CDH12: variants seen among roughly 807,000 people sequenced by gnomAD.
The protein encoded by CDH12 is cadherin 12, also known as cadherin-12.
In CDH12, 41 loss-of-function variants were observed where a neutral mutation model predicts 74.1. The observed-to-expected ratio is 0.55, with a 90% confidence interval of 0.43 to 0.72. The LOEUF is 0.72. CDH12 is among the 30% of genes least tolerant of loss of function. The probability of loss-of-function intolerance (pLI) is 0.00; values close to 1 mark genes in which losing one functional copy is unlikely to be tolerated. For missense variants in CDH12, 945 were observed against 977.2 expected, an observed-to-expected ratio of 0.97 and a Z score of 0.44; for synonymous variants, 399 against 355.0, an observed-to-expected ratio of 1.12 and a Z score of -1.39.
chr5:21,877,811 T>C (rs1382846532), intron 6 of CDH12, among the ~76,000 whole-genome samples: 1 of 152,242 alleles, frequency 6.6e-6, no homozygotes, highest in Non-Finnish European at 1.5e-5. Context: ...CAGAAGAGTG[T>C]ACAATTCTAC....
At chr5:21,839,948 G>T (rs1749748488) in intron 8 of CDH12, among the ~76,000 whole-genome samples, 1 of 152,104 alleles carries the variant, frequency 6.6e-6, no homozygotes, top group African/African-American at 2.4e-5. Context: ...ACACAAGTGA[G>T]AACTCATTTT....
chr5:21,922,700 C>T (rs2150073242), intron 6 of CDH12, among the ~76,000 whole-genome samples: 1 of 152,154 alleles, frequency 6.6e-6, no homozygotes, highest in East Asian at 1.9e-4. Context: ...GAACAGTTAC[C>T]TGCAATTCAC....
At chr5:22,508,781 C>A (rs1238662402) in intron 1 of CDH12, among the ~76,000 whole-genome samples, 2 of 152,078 alleles carry the variant, frequency 1.3e-5, no homozygotes, top group Non-Finnish European at 2.9e-5. Flanking sequence ...AGTTGTGCCA[C>A]CTTTCTGGAG....
chr5:22,267,107 A>C (rs1252128886), intron 3 of CDH12, among the ~76,000 whole-genome samples: 1 of 152,132 alleles, frequency 6.6e-6, no homozygotes, highest in East Asian at 1.9e-4. Context: ...CACTTTCCCT[A>C]GTGTATTCAA....
chr5:22,420,856 C>G (rs934462402), intron 2 of CDH12, among the ~76,000 whole-genome samples: 2 of 152,072 alleles, frequency 1.3e-5, no homozygotes, highest in African/African-American at 4.8e-5. Context: ...TTTGTGTCCT[C>G]TCTGATTTCC....
chr5:22,694,572 A>T (rs1043320636), intron 1 of CDH12, among the ~76,000 whole-genome samples: 5 of 151,820 alleles, frequency 3.3e-5, no homozygotes, highest in Non-Finnish European at 7.4e-5. Flanking sequence ...TTTCTTATAA[A>T]TTTTTTTACA....
At chr5:22,154,613 T>C (rs115078607) in intron 4 of CDH12, among the ~76,000 whole-genome samples, 10,683 of 149,736 alleles carry the variant, frequency 0.071, 472 homozygotes, top group South Asian at 0.15. Flanking sequence ...ACACTATATA[T>C]GTACACATAT....
intron 5 of CDH12, among the ~76,000 whole-genome samples, chr5:22,032,815 T>TACACAC (rs757479604): frequency 2.7e-5 from 4 of 146,762 alleles, no homozygotes; most frequent in African/African-American, 9.9e-5. Context: ...TGTGTATATA[T>TACACAC]ACACACACAC....
intron 1 of CDH12, among the ~76,000 whole-genome samples, chr5:22,790,127 AT>A (rs1747833891): frequency 6.6e-6 from 1 of 152,274 alleles, no homozygotes; most frequent in South Asian, 2.1e-4. Flanking sequence ...TATATTACAA[AT>A]AATTCTAAAA....
chr5:22,805,474 A>T, intron 1 of CDH12, among the ~76,000 whole-genome samples: 1 of 152,116 alleles, frequency 6.6e-6, no homozygotes, highest in South Asian at 2.1e-4. Flanking sequence ...GAAATAGTAT[A>T]TAGAAAGTGT....
chr5:21,998,782 A>G (rs1447571176), intron 5 of CDH12, among the ~76,000 whole-genome samples: 2 of 152,112 alleles, frequency 1.3e-5, no homozygotes, highest in Non-Finnish European at 2.9e-5. Flanking sequence ...TCTCCTGAGA[A>G]GCTGTTCTAC....
intron 3 of CDH12, among the ~76,000 whole-genome samples, chr5:22,363,917 A>C (rs1740925263): frequency 6.6e-6 from 1 of 152,196 alleles, no homozygotes; most frequent in Non-Finnish European, 1.5e-5. Flanking sequence ...TTCTGCCAAC[A>C]ATCACATTGG....
intron 2 of CDH12, among the ~76,000 whole-genome samples, chr5:22,448,219 C>T (rs938505687): frequency 1.1e-4 from 16 of 150,644 alleles, no homozygotes; most frequent in African/African-American, 3.7e-4. Flanking sequence ...TTAAGCATTA[C>T]AAAAGTTTAA....
chr5:22,068,901 C>T (rs376477838), intron 5 of CDH12, among the ~76,000 whole-genome samples: 2 of 152,214 alleles, frequency 1.3e-5, no homozygotes, highest in African/African-American at 2.4e-5. Context: ...GCTATAGCCA[C>T]TGCTGAAGAC....
At chr5:22,743,802 G>A (rs918117778) in intron 1 of CDH12, among the ~76,000 whole-genome samples, 2 of 151,626 alleles carry the variant, frequency 1.3e-5, no homozygotes. Flanking sequence ...AACTGTCGAA[G>A]TCTTCAATGG....
At chr5:22,528,384 T>C (rs889962614) in intron 1 of CDH12, among the ~76,000 whole-genome samples, 2 of 152,116 alleles carry the variant, frequency 1.3e-5, no homozygotes, top group African/African-American at 2.4e-5. Context: ...TCTCCACATA[T>C]TGCCATTCCA....
At chr5:21,783,029 G>A (rs186566705) in intron 11 of CDH12, among the ~76,000 whole-genome samples, 15 of 152,224 alleles carry the variant, frequency 9.9e-5, no homozygotes, top group Admixed American at 7.9e-4. Context: ...CTGGCCCTGT[G>A]AAATACCCAA....
chr5:21,988,585 G>A (rs1425409726), intron 5 of CDH12, among the ~76,000 whole-genome samples: 2 of 132,740 alleles, frequency 1.5e-5, no homozygotes, highest in African/African-American at 5.6e-5. Flanking sequence ...GGTATAAGAA[G>A]AAATCTAGGA....
At chr5:21,934,986 T>C (rs377211667) in intron 6 of CDH12, among the ~76,000 whole-genome samples, 58 of 152,160 alleles carry the variant, frequency 3.8e-4, no homozygotes, top group Middle Eastern at 3.4e-3. Context: ...CGGGGTTTCA[T>C]CGTGTTAGCC....
Sources: gnomAD v4.1 joint callset for allele counts (sites outside exome capture counted in the v4.1 genomes callset) on GRCh38, gnomAD v4.1.1 for gene constraint, MANE v1.5 for transcripts, NCBI Gene and HGNC (gene_info 2026-07-23, HGNC 2026-07-21) for gene names.